MACROD2: variants seen among roughly 807,000 people sequenced by gnomAD.
The protein encoded by MACROD2 is ADP-ribose glycohydrolase MACROD2.
Under a neutral mutation model 70.4 loss-of-function variants are expected in MACROD2, and 36 were observed. The observed-to-expected ratio is 0.51, with a 90% confidence interval of 0.39 to 0.68. The LOEUF (loss-of-function observed/expected upper bound fraction) is 0.68. Ranked by LOEUF, MACROD2 falls within the 30% of genes least tolerant of loss-of-function variation. The pLI, the probability that MACROD2 is intolerant of heterozygous loss-of-function variation, is 0.00. For missense variants in MACROD2, 496 were observed against 538.4 expected (o/e 0.92, Z 0.78); for synonymous variants, 172 against 178.8 (o/e 0.96, Z 0.30).
chr20:15,865,123 A>C (rs2064474203), intron 9 of MACROD2, among the ~76,000 whole-genome samples: 1 of 152,160 alleles, frequency 6.6e-6, no homozygotes, highest in South Asian at 2.1e-4. Flanking sequence ...CCAATGCAAT[A>C]ATGATAATAG....
At chr20:15,058,116 G>GA (rs2075501355) in intron 5 of MACROD2, among the ~76,000 whole-genome samples, 2 of 152,166 alleles carry the variant, frequency 1.3e-5, no homozygotes, top group Admixed American at 1.3e-4. Flanking sequence ...CGACGTAGGG[G>GA]AAGGGCATAG....
chr20:15,528,411 G>A (rs915057623), intron 8 of MACROD2, among the ~76,000 whole-genome samples: 3 of 152,218 alleles, frequency 2.0e-5, no homozygotes, highest in Admixed American at 2.0e-4. Context: ...ATGAGCCACT[G>A]CGCCTGGCCT....
rs929975802 is a variant in MACROD2 at position 15,200,471 on chromosome 20, T to C, written c.419-29469T>C. 2.0e-5 allele frequency among the ~76,000 whole-genome samples: 3 copies of C among 152,344 alleles called. No homozygotes were observed. In the South Asian group the frequency reaches 6.2e-4, roughly 32 times the overall value. Reference sequence around the variant, plus strand: ...AAAGACTCATTTACCAGTATGGTTGTATCATGTTTAAATTTCTAAATGGCT... The same window carrying C: ...AAAGACTCATTTACCAGTATGGTTGCATCATGTTTAAATTTCTAAATGGCT... On this transcript the variant is annotated intron_variant, in intron 5 of 17. Transcript: ENST00000684519.
chr20:14,245,548 G>A (rs925218231), intron 3 of MACROD2, among the ~76,000 whole-genome samples: 4 of 152,084 alleles, frequency 2.6e-5, no homozygotes, highest in African/African-American at 9.7e-5. Flanking sequence ...TAGAACTCAG[G>A]TCTGAGGAAC....
At chr20:15,259,117 C>G (rs2077225658) in intron 6 of MACROD2, among the ~76,000 whole-genome samples, 1 of 151,984 alleles carries the variant, frequency 6.6e-6, no homozygotes, top group African/African-American at 2.4e-5. Flanking sequence ...AAGGATGCTT[C>G]TTTCCCCCCA....
intron 3 of MACROD2, among the ~76,000 whole-genome samples, chr20:14,411,947 G>A (rs549552780): frequency 4.6e-4 from 70 of 152,200 alleles, no homozygotes; most frequent in Non-Finnish European, 8.7e-4. Context: ...ATTATACACA[G>A]CAATTAAACA....
chr20:15,341,211 G>GT (rs780571464), intron 6 of MACROD2, among the ~76,000 whole-genome samples: 2 of 152,026 alleles, frequency 1.3e-5, no homozygotes, highest in Non-Finnish European at 2.9e-5. Flanking sequence ...TTGACAAGTA[G>GT]TTTTCACATT....
intron 8 of MACROD2, among the ~76,000 whole-genome samples, chr20:15,676,076 TACTC>T (rs1260923376): frequency 6.6e-6 from 1 of 152,302 alleles, no homozygotes; most frequent in African/African-American, 2.4e-5. Flanking sequence ...TTATTTCCTG[TACTC>T]ACTCATGAGC....
intron 5 of MACROD2, chr20:15,021,507 T>A (rs1007546271): frequency 1.3e-5 from 2 of 150,934 alleles, no homozygotes; most frequent in Non-Finnish European, 3.0e-5. Flanking sequence ...TATACATATA[T>A]GCCTATATGT....
intron 3 of MACROD2, among the ~76,000 whole-genome samples, chr20:14,241,486 C>T (rs181842602): frequency 3.3e-5 from 5 of 151,812 alleles, no homozygotes; most frequent in East Asian, 3.9e-4. Flanking sequence ...CATGGAAACA[C>T]GTACATTGTG....
intron 5 of MACROD2, among the ~76,000 whole-genome samples, chr20:14,946,829 ATTTAT>A (rs1205261267): frequency 6.6e-6 from 1 of 151,970 alleles, no homozygotes; most frequent in Non-Finnish European, 1.5e-5. Context: ...ATTCCACGTG[ATTTAT>A]TTTTTGTGGA....
chr20:14,984,144 T>C lies in MACROD2; in HGVS notation c.419-245796T>C, dbSNP rs1354712980. Among the ~76,000 whole-genome samples the C allele has an allele frequency of 2.0e-5, 3 of 152,204 alleles. No individual in the cohort carries two copies. In the East Asian group the frequency reaches 5.8e-4, roughly 29 times the overall value. ...ATAAGCTGTGATTGGTTTGCTTTTTTCTCCCTCCAGCACATGATTTTGATT... is the reference window on the plus strand; with the variant it reads ...ATAAGCTGTGATTGGTTTGCTTTTTCCTCCCTCCAGCACATGATTTTGATT... On this transcript the variant is annotated intron_variant, in intron 5 of 17. Coordinates refer to ENST00000684519, the MANE Select transcript of MACROD2 (RefSeq NM_001351661.2).
intron 3 of MACROD2, among the ~76,000 whole-genome samples, chr20:14,490,377 A>G (rs114761238): frequency 0.012 from 1,766 of 152,296 alleles, 32 homozygotes; most frequent in African/African-American, 0.04. Flanking sequence ...GTAAAACTCC[A>G]TCTCCTTGCG....
intron 5 of MACROD2, among the ~76,000 whole-genome samples, chr20:14,694,087 A>G (rs920919127): frequency 1.3e-5 from 2 of 152,182 alleles, no homozygotes. Context: ...AACAAGTCAC[A>G]TAAAAGCAAA....
chr20:15,962,863 A>G (rs1028004616), intron 12 of MACROD2, among the ~76,000 whole-genome samples: 5 of 152,202 alleles, frequency 3.3e-5, no homozygotes, highest in Non-Finnish European at 7.3e-5. Flanking sequence ...AATATAGTTC[A>G]GCCTTATTTA....
chr20:15,318,523 A>T (rs1393162012), intron 6 of MACROD2, among the ~76,000 whole-genome samples: 1 of 152,152 alleles, frequency 6.6e-6, no homozygotes, highest in African/African-American at 2.4e-5. Flanking sequence ...ACTAGAAATA[A>T]GAAAATTATG....
At chr20:15,437,111 T>C (rs901481194) in intron 7 of MACROD2, among the ~76,000 whole-genome samples, 20 of 152,162 alleles carry the variant, frequency 1.3e-4, no homozygotes, top group African/African-American at 4.8e-4. Context: ...TAAATTGGTG[T>C]GCTAAGAAAT....
At chr20:14,199,475 T>C (rs1253356805) in intron 3 of MACROD2, among the ~76,000 whole-genome samples, 3 of 152,246 alleles carry the variant, frequency 2.0e-5, no homozygotes, top group Non-Finnish European at 4.4e-5. Context: ...TTTAGCCTTA[T>C]GACAGAGAAG....
chr20:15,288,830 A>G (rs1260752258), intron 6 of MACROD2, among the ~76,000 whole-genome samples: 1 of 151,472 alleles, frequency 6.6e-6, no homozygotes, highest in African/African-American at 2.4e-5. Flanking sequence ...TTCCTCTTAT[A>G]AATCTCCTCT....
Sources: gnomAD v4.1 joint callset for allele counts (sites outside exome capture counted in the v4.1 genomes callset) on GRCh38, gnomAD v4.1.1 for gene constraint, MANE v1.5 for transcripts, NCBI Gene and HGNC (gene_info 2026-07-23, HGNC 2026-07-21) for gene names.